Variants in GRB10 observed in about 807,000 individuals in gnomAD.
The protein encoded by GRB10 is growth factor receptor bound protein 10, also known as growth factor receptor-bound protein 10.
Under a neutral mutation model 80.9 loss-of-function variants are expected in GRB10, and 20 were observed. The ratio of observed to expected loss-of-function variants is 0.25; its 90% CI spans 0.17 to 0.36. The LOEUF (loss-of-function observed/expected upper bound fraction) is 0.36. Among genes scored for constraint, GRB10 ranks in the 10% least tolerant of loss-of-function variants. The pLI is 1.00. For synonymous variants in GRB10, 291 were observed against 291.5 expected (o/e 1.00, Z 0.02); for missense variants, 548 against 747.7 (o/e 0.73, Z 3.12).
At chr7:50,774,887 T>C (rs993774647) in intron 2 of GRB10, among the ~76,000 whole-genome samples, 5 of 151,696 alleles carry the variant, frequency 3.3e-5, no homozygotes, top group African/African-American at 1.2e-4. Context: ...CTCACTCCTG[T>C]AATCTCAGCA....
At position 50,626,904 on chromosome 7, in the gene GRB10, C is replaced by T; in HGVS notation, c.579G>A (p.Leu193=). 1 of 1,614,182 alleles carries T rather than the reference C, an allele frequency of 6.2e-7. No homozygotes were observed. Among genetic ancestry groups the T allele is most frequent in the Non-Finnish European group, 8.5e-7 (1 of 1,180,030 alleles). The change falls in exon 8 of 19, where the codon CTG becomes CTA. Residue 193 remains leucine, a synonymous_variant. Coordinates refer to ENST00000401949, the MANE Select transcript of GRB10 (RefSeq NM_001350814.2). ...EILADMTARD[L]CQLLVYKSHC... ...GACTTTTGTAAACCAGCAATTGGCA[C>T]AGGTCTCTGGCTGTCATGTCTGCTA...
chr7:50,602,282 C>A (rs940614210), intron 17 of GRB10, among the ~76,000 whole-genome samples: 1 of 152,200 alleles, frequency 6.6e-6, no homozygotes, highest in African/African-American at 2.4e-5. Flanking sequence ...TCACCAAGGG[C>A]TGCTAAAACC....
intron 12 of GRB10, among the ~76,000 whole-genome samples, chr7:50,613,377 A>T (rs547574124): frequency 6.6e-6 from 1 of 152,136 alleles, no homozygotes; most frequent in East Asian, 1.9e-4. Context: ...AGGTCCAGAG[A>T]GGGAGACTGA....
At chr7:50,653,100 C>A (rs1223222757) in intron 7 of GRB10, among the ~76,000 whole-genome samples, 1 of 152,210 alleles carries the variant, frequency 6.6e-6, no homozygotes, top group Non-Finnish European at 1.5e-5. Context: ...CACACTCCCC[C>A]CTGCTGGCCT....
At chr7:50,752,124 T>C (rs2074210477) in intron 3 of GRB10, among the ~76,000 whole-genome samples, 1 of 152,104 alleles carries the variant, frequency 6.6e-6, no homozygotes, top group Admixed American at 6.5e-5. Flanking sequence ...GCAGGTTAAG[T>C]GCCCCACGTG....
chr7:50,670,707 C>A (rs906159795), intron 6 of GRB10, among the ~76,000 whole-genome samples: 1 of 152,106 alleles, frequency 6.6e-6, no homozygotes, highest in Non-Finnish European at 1.5e-5. Flanking sequence ...TTTCAATGTC[C>A]TTGAAATGAG....
chr7:50,742,966 C>T (rs1205156506), intron 3 of GRB10, among the ~76,000 whole-genome samples: 2 of 152,106 alleles, frequency 1.3e-5, no homozygotes, highest in South Asian at 2.1e-4. Flanking sequence ...CCTCAAAATG[C>T]CCTAACTGAA....
At chr7:50,593,749 G>A (rs1263117033) in intron 18 of GRB10, among the ~76,000 whole-genome samples, 1 of 152,214 alleles carries the variant, frequency 6.6e-6, no homozygotes, top group Non-Finnish European at 1.5e-5. Context: ...ACTGCTGAAA[G>A]GAGGTCGTGT....
chr7:50,711,570 C>G (rs1287752603), intron 4 of GRB10, among the ~76,000 whole-genome samples: 1 of 152,188 alleles, frequency 6.6e-6, no homozygotes, highest in East Asian at 1.9e-4. Context: ...TAAGCTATTG[C>G]AGCCGAGTGA....
chr7:50,710,626 C>T (rs1017300282), intron 4 of GRB10, among the ~76,000 whole-genome samples: 4 of 152,164 alleles, frequency 2.6e-5, no homozygotes, highest in Non-Finnish European at 4.4e-5. Flanking sequence ...ATCAGTGCGG[C>T]GGGCACTGCA....
chr7:50,712,287 G>A (rs2066013322), intron 4 of GRB10, among the ~76,000 whole-genome samples: 2 of 152,306 alleles, frequency 1.3e-5, no homozygotes, highest in Non-Finnish European at 1.5e-5. Flanking sequence ...GTCTATGCAA[G>A]AGGAAAGGAA....
At chr7:50,671,876 A>G (rs550585596) in intron 6 of GRB10, among the ~76,000 whole-genome samples, 1 of 152,370 alleles carries the variant, frequency 6.6e-6, no homozygotes, top group East Asian at 1.9e-4. Context: ...TCACACAAAG[A>G]CAAAAAATCC....
chr7:50,689,516 G>A (rs1324117183), intron 5 of GRB10, among the ~76,000 whole-genome samples: 2 of 151,904 alleles, frequency 1.3e-5, no homozygotes, highest in Non-Finnish European at 2.9e-5. Context: ...GGGATGGGGG[G>A]ACCACAAGGC....
At chr7:50,681,017 T>C (rs376351075) in intron 5 of GRB10, among the ~76,000 whole-genome samples, 20 of 152,320 alleles carry the variant, frequency 1.3e-4, no homozygotes, top group African/African-American at 4.8e-4. Context: ...GACTACTGAT[T>C]CTCTGCTTTC....
intron 3 of GRB10, among the ~76,000 whole-genome samples, chr7:50,735,531 T>C (rs1372511987): frequency 1.3e-5 from 2 of 152,118 alleles, no homozygotes; most frequent in Non-Finnish European, 2.9e-5. Context: ...AGGTTGAACA[T>C]GAAAATGAAA....
rs180864369 is a variant in GRB10, at chr7:50,636,139, G to T, written c.505-9161C>A. On this transcript the variant is annotated intron_variant, in intron 7 of 18. Coordinates refer to ENST00000401949, the MANE Select transcript of GRB10 (RefSeq NM_001350814.2). ...ACTACAGGCACGTGCCACCACACCTGGCTAATTTTTGTATTTTCTAGTAGA... is the reference window on the plus strand; with the variant it reads ...ACTACAGGCACGTGCCACCACACCTTGCTAATTTTTGTATTTTCTAGTAGA... 6.6e-5 allele frequency among the ~76,000 whole-genome samples: 10 copies of T among 151,856 alleles called. No homozygotes were observed. The East Asian group carries it at 1.9e-3, about 29-fold the overall frequency.
At chr7:50,643,643 T>C (rs1360969348) in intron 7 of GRB10, among the ~76,000 whole-genome samples, 1 of 152,218 alleles carries the variant, frequency 6.6e-6, no homozygotes, top group African/African-American at 2.4e-5. Context: ...GGTAACTTTA[T>C]TATGATATGT....
At chr7:50,701,818 T>C (rs887785487) in intron 5 of GRB10, among the ~76,000 whole-genome samples, 3 of 152,238 alleles carry the variant, frequency 2.0e-5, no homozygotes, top group Non-Finnish European at 4.4e-5. Flanking sequence ...TTTGTCTTGT[T>C]GTGTTTCATA....
intron 4 of GRB10, among the ~76,000 whole-genome samples, chr7:50,715,571 T>G (rs1262226299): frequency 6.6e-6 from 1 of 152,190 alleles, no homozygotes; most frequent in Admixed American, 6.5e-5. Context: ...ACTGCCAGTG[T>G]GACAAACTAT....
Sources: allele counts gnomAD v4.1 joint callset (sites outside exome capture counted in the v4.1 genomes callset), GRCh38; gene constraint gnomAD v4.1.1; transcripts MANE v1.5; gene names NCBI Gene and HGNC (gene_info 2026-07-23, HGNC 2026-07-21).